The following SNTG1 variants were observed in gnomAD, a reference collection of about 807,000 sequenced individuals.
The protein encoded by SNTG1 is syntrophin gamma 1, also known as gamma-1-syntrophin.
SNTG1 carries 39 observed loss-of-function variants against 74.7 expected under a neutral mutation model. The observed-to-expected ratio is 0.52, with a 90% confidence interval of 0.40 to 0.68. SNTG1 has a LOEUF of 0.68. Ranked by LOEUF, SNTG1 falls within the 30% of genes least tolerant of loss-of-function variation. The pLI, the probability that SNTG1 is intolerant of heterozygous loss-of-function variation, is 0.00. For missense variants in SNTG1, 685 were observed against 609.5 expected (o/e 1.12, Z -1.30); for synonymous variants, 254 against 217.1 (o/e 1.17, Z -1.49).
intron 1 of SNTG1, among the ~76,000 whole-genome samples, chr8:49,960,130 A>C (rs899646266): frequency 2.6e-4 from 40 of 152,180 alleles, no homozygotes; most frequent in African/African-American, 9.4e-4. Context: ...TTCCTTTTGT[A>C]ACTGTTTTTC....
intron 15 of SNTG1, among the ~76,000 whole-genome samples, chr8:50,662,777 TG>T (rs1424552874): frequency 6.6e-6 from 1 of 151,316 alleles, no homozygotes; most frequent in Non-Finnish European, 1.5e-5. Flanking sequence ...ATGAGTGTAT[TG>T]GGCACTATGA....
chr8:50,156,052 C>G (rs1259997027), intron 1 of SNTG1, among the ~76,000 whole-genome samples: 1 of 151,968 alleles, frequency 6.6e-6, no homozygotes, highest in Non-Finnish European at 1.5e-5. Context: ...AAAATAGAAT[C>G]TGCTAAGACT....
chr8:50,361,815 C>T (rs2091966087), intron 2 of SNTG1, among the ~76,000 whole-genome samples: 1 of 152,070 alleles, frequency 6.6e-6, no homozygotes, highest in Admixed American at 6.5e-5. Flanking sequence ...CTGTACAGCA[C>T]ATTACTATAC....
At chr8:50,153,594 T>C (rs2082149085) in intron 1 of SNTG1, among the ~76,000 whole-genome samples, 1 of 152,210 alleles carries the variant, frequency 6.6e-6, no homozygotes, top group Non-Finnish European at 1.5e-5. Context: ...GCGGATGTCC[T>C]TTCTGTTTGT....
At chr8:50,738,815 G>A (rs942788554) in intron 17 of SNTG1, among the ~76,000 whole-genome samples, 7 of 151,182 alleles carry the variant, frequency 4.6e-5, no homozygotes, top group African/African-American at 1.2e-4. Context: ...AATGGGGAAA[G>A]GATTCCCTAT....
intron 8 of SNTG1, among the ~76,000 whole-genome samples, chr8:50,481,887 G>A (rs1023497856): frequency 6.6e-6 from 1 of 152,126 alleles, no homozygotes; most frequent in Non-Finnish European, 1.5e-5. Flanking sequence ...AATCAGTTTT[G>A]TGATTTCTGC....
intron 13 of SNTG1, among the ~76,000 whole-genome samples, chr8:50,597,253 C>T (rs1341766953): frequency 1.3e-5 from 2 of 150,700 alleles, no homozygotes; most frequent in East Asian, 3.9e-4. Flanking sequence ...AGATTTCATT[C>T]CCTTGTATAG....
chr8:50,090,298 G>T (rs768447832), intron 1 of SNTG1, among the ~76,000 whole-genome samples: 1 of 152,160 alleles, frequency 6.6e-6, no homozygotes, highest in Non-Finnish European at 1.5e-5. Flanking sequence ...AACCGAAGAG[G>T]TAAGGATAGA....
At chr8:50,572,255 A>ATTTTAT (rs1426193931) in intron 12 of SNTG1, among the ~76,000 whole-genome samples, 175 of 43,578 alleles carry the variant, frequency 4.0e-3, no homozygotes, top group African/African-American at 0.017. Flanking sequence ...TCTATCACCT[A>ATTTTAT]TTTTATATAT....
chr8:50,021,416 A>G (rs866196655), intron 1 of SNTG1, among the ~76,000 whole-genome samples: 1 of 152,166 alleles, frequency 6.6e-6, no homozygotes, highest in African/African-American at 2.4e-5. Flanking sequence ...AATACCATAT[A>G]TATGGTCAAT....
chr8:50,692,501 T>A (rs945282496), intron 15 of SNTG1, among the ~76,000 whole-genome samples: 3 of 152,186 alleles, frequency 2.0e-5, no homozygotes, highest in African/African-American at 7.2e-5. Context: ...CTGTTGGAGT[T>A]TGCTGGAGGT....
At chr8:50,079,528 A>T (rs1761981530) in intron 1 of SNTG1, among the ~76,000 whole-genome samples, 1 of 151,796 alleles carries the variant, frequency 6.6e-6, no homozygotes, top group Admixed American at 6.6e-5. Flanking sequence ...GTTCACTCTG[A>T]TGCTAGTTTC....
At chr8:50,721,953 G>T (rs1911832) in intron 17 of SNTG1, among the ~76,000 whole-genome samples, 6,635 of 152,042 alleles carry the variant, frequency 0.044, 383 homozygotes, top group African/African-American at 0.12. Context: ...CTTATAATCT[G>T]TGCTTGTGTT....
chr8:50,244,639 T>C (rs1310063770), intron 2 of SNTG1, among the ~76,000 whole-genome samples: 2 of 152,178 alleles, frequency 1.3e-5, no homozygotes, highest in East Asian at 3.9e-4. Flanking sequence ...ATTTAGCTGT[T>C]CTGAACATAG....
At chr8:50,495,089 T>C (rs1237836857) in intron 8 of SNTG1, among the ~76,000 whole-genome samples, 2 of 152,104 alleles carry the variant, frequency 1.3e-5, no homozygotes, top group African/African-American at 2.4e-5. Context: ...TGTGAAATTT[T>C]AGGAATTGTG....
At chr8:50,336,885 G>T (rs1249107911) in intron 2 of SNTG1, among the ~76,000 whole-genome samples, 1 of 152,174 alleles carries the variant, frequency 6.6e-6, no homozygotes, top group Non-Finnish European at 1.5e-5. Flanking sequence ...TGAACCCATA[G>T]ATTGTGGCCA....
intron 8 of SNTG1, among the ~76,000 whole-genome samples, chr8:50,461,156 GGTGTGT>G (rs71233496): frequency 0.088 from 10,865 of 124,060 alleles, 447 homozygotes; most frequent in Non-Finnish European, 0.1. Context: ...AGATTTTTCT[GGTGTGT>G]GTGTGTGTGT....
chr8:50,642,835 C>CA (rs1299951296), intron 13 of SNTG1, among the ~76,000 whole-genome samples: 1 of 152,042 alleles, frequency 6.6e-6, no homozygotes. Context: ...TTTATATTCT[C>CA]ATGCTTCCAA....
chr8:50,552,304 T>C (rs1303906088), intron 11 of SNTG1, among the ~76,000 whole-genome samples: 2 of 152,220 alleles, frequency 1.3e-5, no homozygotes, highest in Non-Finnish European at 2.9e-5. Flanking sequence ...ATGAAACACT[T>C]TTAAATTCAA....
Sources: allele counts gnomAD v4.1 joint callset (sites outside exome capture counted in the v4.1 genomes callset), GRCh38; gene constraint gnomAD v4.1.1; transcripts MANE v1.5; gene names NCBI Gene and HGNC (gene_info 2026-07-23, HGNC 2026-07-21).